SIGLEC12: variants seen among roughly 807,000 people sequenced by gnomAD.
The protein encoded by SIGLEC12 is sialic acid binding Ig like lectin 12.
In SIGLEC12, 43 loss-of-function variants were observed where a neutral mutation model predicts 54.1. The ratio of observed to expected loss-of-function variants is 0.80; its 90% CI spans 0.62 to 1.03. The LOEUF (loss-of-function observed/expected upper bound fraction) is 1.03. SIGLEC12 is among the 50% of genes least tolerant of loss of function. SIGLEC12 has a pLI of 0.00. For synonymous variants in SIGLEC12, 357 were observed against 307.6 expected (o/e 1.16, Z -1.68); for missense variants, 802 against 735.2 (o/e 1.09, Z -1.05).
At chr19:51,497,324 C>G in intron 6 of SIGLEC12, 25 bp downstream of exon 6, 1 of 1,601,402 alleles carries the variant, frequency 6.2e-7, no homozygotes, top group Non-Finnish European at 8.6e-7. Context: ...CCCCAAGGCT[C>G]TTCCTCCCCA....
intron 7 of SIGLEC12, among the ~76,000 whole-genome samples, chr19:51,495,723 A>T (rs1342603798): frequency 6.6e-6 from 1 of 152,220 alleles, no homozygotes; most frequent in Non-Finnish European, 1.5e-5. Flanking sequence ...TGTTTTCCAC[A>T]GATGGGTCGC....
chr19:51,500,610 C>T (rs1973095), intron 1 of SIGLEC12, among the ~76,000 whole-genome samples: 122,756 of 152,070 alleles, frequency 0.81, 50,150 homozygotes, highest in Middle Eastern at 0.88. Context: ...GACCGTGTCC[C>T]GCCTCCTACC....
At position 51,491,811 on chromosome 19, in the gene SIGLEC12, G is replaced by C; in HGVS notation, c.1618C>G (p.Pro540Ala). 6.3e-7 allele frequency: 1 copy of C among 1,576,736 alleles called. No individual in the cohort carries two copies. The highest frequency in any genetic ancestry group is 8.6e-7 in the Non-Finnish European group (1 of 1,162,664). The change falls in exon 8 of 8, where the codon CCG (proline) becomes GCG (alanine). Residue 540 changes from proline to alanine, a missense_variant. Pro to Ala is a conservative substitution (Grantham distance 27, BLOSUM62 -1). Coordinates refer to ENST00000291707, the MANE Select transcript of SIGLEC12 (RefSeq NM_053003.4). ...SASQGPLIES[P>A]ADDSPPHHAP... ...TGGTGTGGGGGGCTGTCATCTGCCG[G>C]GGATTCAATCAGGGGTCCCTGAATG... is the stretch of plus-strand genomic sequence containing the variant.
rs1052520595 is a variant in SIGLEC12 at position 51,497,893 on chromosome 19, C to A, written c.1405+125G>T. ...ATTAACTCCTCCCCTCTCCCCACCC[C>A]GCACTCACTGCTTGGCAGCAAGAGG... On this transcript the variant is annotated intron_variant, in intron 5 of 7. Coordinates refer to ENST00000291707, the MANE Select transcript of SIGLEC12 (RefSeq NM_053003.4). The A allele has an allele frequency of 2.9e-6, 4 of 1,369,098 alleles. No homozygotes were observed. In the East Asian group the frequency reaches 7.2e-5, roughly 25 times the overall value. 84.8% of individuals were successfully genotyped at this position (1,369,098 alleles called of 1,614,324 possible). A position where few individuals can be genotyped will look rare whatever the true frequency, so the allele number is the denominator to read the frequency against.
intron 4 of SIGLEC12, 34 bp from the exon 5 acceptor site, chr19:51,498,321 CA>C (rs1326389115): frequency 6.4e-7 from 1 of 1,552,136 alleles, no homozygotes; most frequent in South Asian, 1.2e-5. Context: ...CAGAGAGAGA[CA>C]AAGTGATCGA....
chr19:51,499,980 C>T lies in SIGLEC12; in HGVS notation c.748G>A (p.Val250Met). The change falls in exon 2 of 8, where the codon GTG becomes ATG. Residue 250 changes from valine (V) to methionine (M), a missense_variant. Coordinates refer to ENST00000291707, the MANE Select transcript of SIGLEC12 (RefSeq NM_053003.4). ...TTCCATTTCCTGCTTCCTCTCTCCACCTGGAAGTAGTACTTCCCTGAATCC... is the reference window on the plus strand; with the variant it reads ...TTCCATTTCCTGCTTCCTCTCTCCATCTGGAAGTAGTACTTCCCTGAATCC... ...KGDSGKYYFQ[V>M]ERGSRKWNYI... 2 of 1,614,170 alleles carry T rather than the reference C, an allele frequency of 1.2e-6. No homozygotes were observed. Among genetic ancestry groups the T allele is most frequent in the South Asian group, 1.1e-5 (1 of 91,086 alleles).
intron 1 of SIGLEC12, 91 bp from the exon 2 acceptor site, chr19:51,500,391 C>A: frequency 6.2e-7 from 1 of 1,603,116 alleles, no homozygotes; most frequent in Non-Finnish European, 8.5e-7. Context: ...GCAGAGGCTT[C>A]CTGGGCTCCC....
At chr19:51,492,031 A>G (rs1481696866) in intron 7 of SIGLEC12, among the ~76,000 whole-genome samples, 1 of 152,192 alleles carries the variant, frequency 6.6e-6, no homozygotes, top group Non-Finnish European at 1.5e-5. Flanking sequence ...ACTTCCAACA[A>G]CAATTCCATA....
chr19:51,491,499 G>T lies in SIGLEC12; in HGVS notation c.*142C>A. ...AAGGGAGAGTTTGGTCATCAGGCAC[G>T]CATTTTCAGTTTGACAAGAGGAATA... On this transcript the variant is annotated 3_prime_UTR_variant, in exon 8 of 8. Coordinates refer to ENST00000291707, the MANE Select transcript of SIGLEC12 (RefSeq NM_053003.4). The T allele has an allele frequency of 2.5e-6, 2 of 792,148 alleles. No individual in the cohort carries two copies. The highest frequency in any genetic ancestry group is 2.7e-5 in the East Asian group (1 of 37,246). 49.1% of individuals were successfully genotyped at this position (792,148 alleles called of 1,614,324 possible). A position where few individuals can be genotyped will look rare whatever the true frequency, so the allele number is the denominator to read the frequency against.
chr19:51,491,955 T>G, intron 7 of SIGLEC12, 126 bp from the exon 8 acceptor site: 1 of 641,208 alleles, frequency 1.6e-6, no homozygotes, highest in East Asian at 3.0e-5. Context: ...CTGAAATCTC[T>G]TTAATACGTT....
intron 5 of SIGLEC12, 31 bp downstream of exon 5, chr19:51,497,987 G>A (rs1308867551): frequency 1.9e-6 from 3 of 1,612,154 alleles, no homozygotes; most frequent in South Asian, 1.1e-5. Context: ...GGACATGTGT[G>A]TTCTCCTCCT....
At chr19:51,493,338 T>G (rs76037826) in intron 7 of SIGLEC12, among the ~76,000 whole-genome samples, 1 of 152,148 alleles carries the variant, frequency 6.6e-6, no homozygotes, top group African/African-American at 2.4e-5. Context: ...ACCCTAAATA[T>G]CAGAGCAGCC....
intron 7 of SIGLEC12, among the ~76,000 whole-genome samples, chr19:51,494,040 C>T (rs1417445424): frequency 6.6e-6 from 1 of 152,182 alleles, no homozygotes; most frequent in Non-Finnish European, 1.5e-5. Flanking sequence ...CTTGTGGATC[C>T]TCTCACTGGT....
In SIGLEC12 at chr19:51,498,263, G is replaced by A. The variant is rs200386902; in HGVS notation, c.1160C>T (p.Ser387Leu). The A allele has an allele frequency of 8.1e-5, 131 of 1,610,964 alleles. No individual in the cohort carries two copies. The East Asian group carries it at 2.4e-3, about 30-fold the overall frequency. ...CTGGCCCTCCAGGACTGAAAGGGCC[G>A]AGCCATTCCTCAAGGTTGTGGATGC... Reference protein sequence around the residue: ...GTASTTLRNGSALSVLEGQSL... With the variant: ...GTASTTLRNGLALSVLEGQSL... Residue 387 changes from serine to leucine, a missense_variant, in exon 5 of 8, where the codon TCG becomes TTG. By Grantham distance (145) the Ser-to-Leu change is moderately radical. Coordinates refer to ENST00000291707, the MANE Select transcript of SIGLEC12 (RefSeq NM_053003.4).
intron 7 of SIGLEC12, 64 bp from the exon 8 acceptor site, chr19:51,491,893 C>A (rs1990113075): frequency 2.9e-6 from 4 of 1,366,864 alleles, no homozygotes; most frequent in Admixed American, 2.6e-5. Context: ...CAGAGAGCAT[C>A]CAGGAAGGAG....
rs1404015707 is a variant in SIGLEC12, at chr19:51,491,676, C to T, written c.1753G>A (p.Gly585Ser). The stretch of plus-strand genomic sequence containing the variant: ...ATGTTGATCTCGGAGTACTCATAGC[C>T]GATGGCCTCCTGTTCCTGTGGGTAC... The part of the protein sequence containing the change: ...PQYPQEQEAI[G>S]YEYSEINIPK The change falls in exon 8 of 8, where the codon GGC becomes AGC. Residue 585 changes from glycine (G) to serine (S), a missense_variant. Gly to Ser is a moderately conservative substitution (Grantham distance 56). Coordinates refer to ENST00000291707, the MANE Select transcript of SIGLEC12 (RefSeq NM_053003.4). 1.9e-6 allele frequency: 3 copies of T among 1,613,790 alleles called. No homozygotes were observed. The highest frequency in any genetic ancestry group is 2.2e-5 in the East Asian group (1 of 44,864).
At chr19:51,496,207 C>T (rs1380259606) in intron 7 of SIGLEC12, among the ~76,000 whole-genome samples, 3 of 152,194 alleles carry the variant, frequency 2.0e-5, no homozygotes, top group East Asian at 3.8e-4. Flanking sequence ...CGGTGGCTCA[C>T]GCCTATAATC....
intron 4 of SIGLEC12, 117 bp downstream of exon 4, chr19:51,499,053 G>T (rs947073903): frequency 1.1e-5 from 11 of 1,027,736 alleles, no homozygotes; most frequent in Non-Finnish European, 1.5e-5. Flanking sequence ...TGAGGCTGAG[G>T]GAGGGGGGGG....
Position 51,491,635 on chromosome 19 carries a change from A to G in SIGLEC12, c.*6T>C. ...CCCTCAAACAGGCCTGAGTCTCTGC[A>G]GTTTCTCACTTGGGGATGTTGATCT... On this transcript the variant is annotated 3_prime_UTR_variant, in exon 8 of 8. Transcript: ENST00000291707. 1 of 1,613,916 alleles carries G rather than the reference A, an allele frequency of 6.2e-7. No homozygotes were observed. Among genetic ancestry groups the G allele is most frequent in the South Asian group, 1.1e-5 (1 of 91,052 alleles).
Sources: allele counts gnomAD v4.1 joint callset (sites outside exome capture counted in the v4.1 genomes callset), GRCh38; gene constraint gnomAD v4.1.1; transcripts MANE v1.5; gene names NCBI Gene and HGNC (gene_info 2026-07-23, HGNC 2026-07-21).